Variants in CBX3 observed in about 807,000 individuals in gnomAD.
CBX3 encodes the protein chromobox 3.
In CBX3, 5 loss-of-function variants were observed where a neutral mutation model predicts 22.6. That is an observed-to-expected ratio of 0.22 (90% CI 0.12 to 0.47). The LOEUF (loss-of-function observed/expected upper bound fraction) is 0.47. Ranked by LOEUF, CBX3 falls within the 20% of genes least tolerant of loss-of-function variation. The probability of loss-of-function intolerance (pLI) is 0.99; values close to 1 mark genes in which losing one functional copy is unlikely to be tolerated. For missense variants in CBX3, 83 were observed against 208.1 expected, an observed-to-expected ratio of 0.40 and a Z score of 3.70; for synonymous variants, 50 against 66.6, an observed-to-expected ratio of 0.75 and a Z score of 1.21.
At chr7:26,211,049 A>G (rs1784792837) in intron 4 of CBX3, among the ~76,000 whole-genome samples, 1 of 151,502 alleles carries the variant, frequency 6.6e-6, no homozygotes, top group South Asian at 2.1e-4. Flanking sequence ...CACATAAAAT[A>G]GACTTAATAC....
intron 4 of CBX3, among the ~76,000 whole-genome samples, chr7:26,210,998 T>C (rs1226445106): frequency 1.3e-5 from 2 of 151,870 alleles, no homozygotes; most frequent in Non-Finnish European, 2.9e-5. Flanking sequence ...GTCCAATCTT[T>C]TGGCAGCCCT....
intron 1 of CBX3, chr7:26,202,644 C>G: frequency 3.7e-6 from 1 of 272,542 alleles, no homozygotes; most frequent in South Asian, 4.8e-5. Flanking sequence ...TGGTTTTAAA[C>G]CGAAAGGATT....
chr7:26,206,998 A>G (rs1187230171), intron 3 of CBX3, among the ~76,000 whole-genome samples: 1 of 152,166 alleles, frequency 6.6e-6, no homozygotes, highest in African/African-American at 2.4e-5. Flanking sequence ...TTTGATATGG[A>G]TTGCTCTCAT....
At chr7:26,206,658 C>T (rs919612582) in intron 3 of CBX3, 148 bp downstream of exon 3, 20 of 757,940 alleles carry the variant, frequency 2.6e-5, no homozygotes, top group African/African-American at 2.5e-4. Context: ...CATTTGAGGT[C>T]TATTTCAAAA....
chr7:26,203,040 TAAA>T lies in CBX3; in HGVS notation c.24+20_24+22del. On this transcript the variant is annotated intron_variant, in intron 2 of 5. Transcript: ENST00000396386. Reference sequence around the variant, plus strand: ...CTACATTGGTAAGTTAATGAAAACCTAAAATATGTAAGGATTTAACTCAAGTTT... The same window carrying T: ...CTACATTGGTAAGTTAATGAAAACCTATATGTAAGGATTTAACTCAAGTTT... The T allele has an allele frequency of 6.7e-7, 1 of 1,487,628 alleles. No individual in the cohort carries two copies. The highest frequency in any genetic ancestry group is 9.1e-7 in the Non-Finnish European group (1 of 1,102,804). 92.2% of individuals were successfully genotyped at this position (1,487,628 alleles called of 1,614,324 possible). A position where few individuals can be genotyped will look rare whatever the true frequency, so the allele number is the denominator to read the frequency against.
chr7:26,207,986 G>A (rs1784718680), intron 3 of CBX3: 1 of 154,544 alleles, frequency 6.5e-6, no homozygotes, highest in African/African-American at 2.4e-5. Flanking sequence ...CAAGGCTGGA[G>A]GATCACTTGA....
chr7:26,202,092 C>T (rs1336295753), intron 1 of CBX3: 1 of 151,748 alleles, frequency 6.6e-6, no homozygotes, highest in Non-Finnish European at 1.5e-5. Flanking sequence ...AGACAAAGCG[C>T]ATTTCCCCCT....
At chr7:26,207,056 A>G (rs1000172555) in intron 3 of CBX3, among the ~76,000 whole-genome samples, 5 of 152,314 alleles carry the variant, frequency 3.3e-5, no homozygotes, top group South Asian at 2.1e-4. Context: ...TGAACATGCA[A>G]CAATTACATA....
At chr7:26,208,293 C>G in intron 3 of CBX3, 100 bp from the exon 4 acceptor site, 3 of 986,194 alleles carry the variant, frequency 3.0e-6, no homozygotes, top group Middle Eastern at 2.8e-4. Flanking sequence ...GTACAGAGGA[C>G]TTTTTATTCC....
At chr7:26,210,871 T>TG (rs1784789275) in intron 4 of CBX3, among the ~76,000 whole-genome samples, 1 of 151,788 alleles carries the variant, frequency 6.6e-6, no homozygotes, top group African/African-American at 2.4e-5. Flanking sequence ...CACAAATAGA[T>TG]GAAAAAAGGG....
At chr7:26,207,456 T>G (rs1784704806) in intron 3 of CBX3, among the ~76,000 whole-genome samples, 1 of 152,178 alleles carries the variant, frequency 6.6e-6, no homozygotes, top group South Asian at 2.1e-4. Flanking sequence ...TCCCAAAACT[T>G]AAGGCCACTA....
chr7:26,202,604 A>C (rs1784559380), intron 1 of CBX3: 1 of 222,028 alleles, frequency 4.5e-6, no homozygotes, highest in Non-Finnish European at 8.8e-6. Context: ...ACAGTGCTTT[A>C]CCGTTGTGAG....
In CBX3 at chr7:26,202,815, T is replaced by A. The variant is rs532339891; in HGVS notation, c.-28-156T>A. 71 of 648,538 alleles carry A rather than the reference T, an allele frequency of 1.1e-4. 1 individual carries two copies. In the South Asian group the frequency reaches 1.2e-3, roughly 11 times the overall value. The allele number at this position is 648,538 out of a possible 1,614,324, so 40.2% of individuals were successfully genotyped here. ...TTAGGACACGTACTTAAGTACATCATAAGCAATGTAGGTAGGAGCGCAGAT... is the reference window on the plus strand; with the variant it reads ...TTAGGACACGTACTTAAGTACATCAAAAGCAATGTAGGTAGGAGCGCAGAT... On this transcript the variant is annotated intron_variant, in intron 1 of 5. Coordinates refer to ENST00000396386, the MANE Select transcript of CBX3 (RefSeq NM_016587.4).
At chr7:26,208,680 G>T in intron 4 of CBX3, 125 bp downstream of exon 4, 1 of 838,000 alleles carries the variant, frequency 1.2e-6, no homozygotes, top group Non-Finnish European at 1.8e-6. Context: ...GAGTGCAATG[G>T]CATGATCTTG....
At chr7:26,201,473 A>C (rs1784429968), upstream of CBX3, 1 of 152,058 alleles carries the variant, frequency 6.6e-6, no homozygotes. Flanking sequence ...CAAGCAGAAA[A>C]GCCACCGCTG....
chr7:26,209,610 T>G (rs1458689706), intron 4 of CBX3, among the ~76,000 whole-genome samples: 4 of 152,238 alleles, frequency 2.6e-5, no homozygotes, highest in African/African-American at 9.6e-5. Context: ...CTGTAATCTT[T>G]GATAATAGTT....
At chr7:26,207,407 C>T (rs568072230) in intron 3 of CBX3, among the ~76,000 whole-genome samples, 5 of 152,316 alleles carry the variant, frequency 3.3e-5, no homozygotes, top group African/African-American at 4.8e-5. Context: ...TATTTTTACC[C>T]ATCAAAACAT....
intron 4 of CBX3, among the ~76,000 whole-genome samples, chr7:26,209,331 G>A (rs934635562): frequency 9.9e-5 from 15 of 152,166 alleles, no homozygotes; most frequent in African/African-American, 3.6e-4. Flanking sequence ...TTGTGTAAAT[G>A]TGCAGTAAGT....
chr7:26,208,159 C>T (rs186029408), intron 3 of CBX3: 157 of 309,072 alleles, frequency 5.1e-4, no homozygotes, highest in African/African-American at 2.9e-3. Flanking sequence ...GAGTTGGAAT[C>T]TTCAGTGAGC....
Sources: gnomAD v4.1 joint callset for allele counts (sites outside exome capture counted in the v4.1 genomes callset) on GRCh38, gnomAD v4.1.1 for gene constraint, MANE v1.5 for transcripts, NCBI Gene and HGNC (gene_info 2026-07-23, HGNC 2026-07-21) for gene names.